The following DDX21 variants were observed in gnomAD, a reference collection of about 807,000 sequenced individuals.
DDX21 encodes DExD-box helicase 21.
A neutral mutation model predicts 90.0 loss-of-function variants in DDX21; 18 were observed. The observed-to-expected ratio is 0.20, with a 90% confidence interval of 0.14 to 0.30. The LOEUF (loss-of-function observed/expected upper bound fraction) is 0.30. Among genes scored for constraint, DDX21 ranks in the 10% least tolerant of loss-of-function variants. The pLI, the probability that DDX21 is intolerant of heterozygous loss-of-function variation, is 1.00. For synonymous variants in DDX21, 294 were observed against 318.0 expected (o/e 0.92, Z 0.80); for missense variants, 673 against 944.5 (o/e 0.71, Z 3.77).
intron 7 of DDX21, among the ~76,000 whole-genome samples, chr10:68,969,930 C>A (rs191366915): frequency 1.3e-5 from 2 of 152,112 alleles, no homozygotes; most frequent in African/African-American, 4.8e-5. Context: ...CCTGCATTTT[C>A]CTGGTTGTCA....
In DDX21 at chr10:68,956,193, A is replaced by G. The variant is rs1031621590; in HGVS notation, c.-33A>G. 3 of 1,610,996 alleles carry G rather than the reference A, an allele frequency of 1.9e-6. No individual in the cohort carries two copies. Among genetic ancestry groups the G allele is most frequent in the Non-Finnish European group, 2.5e-6 (3 of 1,178,218 alleles). ...ACCTCTTCCTCTCCACGCGGTTGAG[A>G]AGACCGGTCGGCCTGGGCAACCTGC... On this transcript the variant is annotated 5_prime_UTR_variant, in exon 1 of 15. Transcript: ENST00000354185.
intron 7 of DDX21, among the ~76,000 whole-genome samples, chr10:68,969,450 T>C (rs1381344747): frequency 6.6e-6 from 1 of 152,164 alleles, no homozygotes; most frequent in African/African-American, 2.4e-5. Flanking sequence ...CAGCTAATTT[T>C]TGTATTTTTA....
intron 8 of DDX21, among the ~76,000 whole-genome samples, chr10:68,971,104 A>T (rs1421111756): frequency 6.8e-6 from 1 of 147,878 alleles, no homozygotes; most frequent in African/African-American, 2.5e-5. Flanking sequence ...TTTTTTCTGG[A>T]TGGTGTTTTA....
At position 68,959,913 on chromosome 10, in the gene DDX21, T is replaced by C; in HGVS notation, c.195T>C (p.Ser65=). 2 of 1,608,932 alleles carry C rather than the reference T, an allele frequency of 1.2e-6. No individual in the cohort carries two copies. Among genetic ancestry groups the C allele is most frequent in the African/African-American group, 2.7e-5 (2 of 74,686 alleles). The change falls in exon 2 of 15, where the codon TCT becomes TCC. Residue 65 remains serine (S), a synonymous_variant. Coordinates refer to ENST00000354185, the MANE Select transcript of DDX21 (RefSeq NM_004728.4). Reference sequence around the variant, plus strand: ...AAGTTAAAAAGAAAGCAGAGCCTTCTGAAGTTGACATGAATTCTCCTAAAT... The same window carrying C: ...AAGTTAAAAAGAAAGCAGAGCCTTCCGAAGTTGACATGAATTCTCCTAAAT... ...AKQVKKKAEP[S]EVDMNSPKSK... is the part of the protein sequence containing the mutation.
intron 1 of DDX21, chr10:68,956,558 A>G (rs1276733234): frequency 4.5e-6 from 6 of 1,342,118 alleles, no homozygotes; most frequent in Admixed American, 3.1e-5. Flanking sequence ...ATAGGCATCC[A>G]CAGGTCGGAA....
In DDX21 at chr10:68,959,964, G is replaced by A; in HGVS notation, c.246G>A (p.Glu82=). The change falls in exon 2 of 15, where the codon GAG becomes GAA. Residue 82 remains glutamate (E), a synonymous_variant. Transcript: ENST00000354185. ...PKSKKAKKKE[E]PSQNDISPKT... The stretch of plus-strand genomic sequence containing the variant: ...CCAAAAAGGCAAAAAAGAAAGAGGA[G>A]CCATCTCAAAATGACATTTCTCCTA... The A allele has an allele frequency of 6.2e-7, 1 of 1,610,804 alleles. No individual in the cohort carries two copies. The highest frequency in any genetic ancestry group is 8.5e-7 in the Non-Finnish European group (1 of 1,179,532).
chr10:68,965,310 C>A, intron 4 of DDX21, 67 bp from the exon 5 acceptor site: 1 of 1,260,506 alleles, frequency 7.9e-7, no homozygotes, highest in Non-Finnish European at 1.1e-6. Context: ...GAATGCTGTT[C>A]TTTAAGGACT....
chr10:68,959,486 C>CT (rs1165620594), intron 1 of DDX21, among the ~76,000 whole-genome samples: 4 of 152,132 alleles, frequency 2.6e-5, no homozygotes, highest in African/African-American at 9.7e-5. Context: ...GAGCGAGACT[C>CT]TGTCTCAAAA....
At chr10:68,964,934 C>T (rs1381213073) in intron 4 of DDX21, among the ~76,000 whole-genome samples, 1 of 152,144 alleles carries the variant, frequency 6.6e-6, no homozygotes, top group Non-Finnish European at 1.5e-5. Flanking sequence ...AGCCATTGCG[C>T]CTGGCCAGCA....
At chr10:68,975,090 A>G (rs761639262) in intron 11 of DDX21, among the ~76,000 whole-genome samples, 1 of 152,196 alleles carries the variant, frequency 6.6e-6, no homozygotes, top group African/African-American at 2.4e-5. Context: ...AGAGGAAACC[A>G]CTATTAAAAT....
chr10:68,983,215 T>G lies in DDX21; in HGVS notation c.*403T>G, dbSNP rs769466895. 4 of 182,522 alleles carry G rather than the reference T, an allele frequency of 2.2e-5. No homozygotes were observed. Among genetic ancestry groups the G allele is most frequent in the Non-Finnish European group, 4.7e-5 (4 of 84,866 alleles). The allele number at this position is 182,522 out of a possible 1,614,324, so 11.3% of individuals were successfully genotyped here. On this transcript the variant is annotated 3_prime_UTR_variant, in exon 15 of 15. Coordinates refer to ENST00000354185, the MANE Select transcript of DDX21 (RefSeq NM_004728.4). ...AGTGTAACAGTCTCTGGAGGACCAC[T>G]TTGAGCCTTTGGAAGTTAAGGTTTC...
At chr10:68,957,041 C>CAAA (rs34149138) in intron 1 of DDX21, among the ~76,000 whole-genome samples, 3 of 138,208 alleles carry the variant, frequency 2.2e-5, no homozygotes, top group Admixed American at 7.2e-5. Context: ...AACTCCATCT[C>CAAA]AAAAAAAAAA....
chr10:68,975,747 T>C (rs1028347858), intron 11 of DDX21, among the ~76,000 whole-genome samples: 1 of 151,938 alleles, frequency 6.6e-6, no homozygotes, highest in Non-Finnish European at 1.5e-5. Context: ...ACTCCATCTC[T>C]ATAAAAAATA....
chr10:68,982,530 A>G lies in DDX21; in HGVS notation c.2083-13A>G. 10 of 1,585,792 alleles carry G rather than the reference A, an allele frequency of 6.3e-6. No individual in the cohort carries two copies. Among genetic ancestry groups the G allele is most frequent in the Non-Finnish European group, 8.6e-6 (10 of 1,161,406 alleles). On this transcript the variant is annotated splice_polypyrimidine_tract_variant and intron_variant, in intron 14 of 14. Transcript: ENST00000354185. The stretch of plus-strand genomic sequence containing the variant: ...TAATTAAAGCACACAAAAACAAAAC[A>G]TTCTCTCAACAGGAGAAATGGCATG...
At chr10:68,962,032 A>C in intron 2 of DDX21, 50 bp from the exon 3 acceptor site, 2 of 1,396,266 alleles carry the variant, frequency 1.4e-6, no homozygotes, top group Non-Finnish European at 1.0e-6. Flanking sequence ...GTTCTCTATT[A>C]ATTTGTGTAG....
chr10:68,974,587 T>TGTATTAC, intron 10 of DDX21, 83 bp from the exon 11 acceptor site: 2 of 1,059,530 alleles, frequency 1.9e-6, no homozygotes, highest in South Asian at 1.4e-5. Context: ...ATTTGGCCTA[T>TGTATTAC]ATTAAAAAAT....
intron 14 of DDX21, 119 bp downstream of exon 14, chr10:68,981,700 G>A (rs1312478833): frequency 2.7e-5 from 25 of 932,458 alleles, no homozygotes; most frequent in Middle Eastern, 3.4e-4. Flanking sequence ...AGAGATAATC[G>A]ATAATTAAAT....
rs1843235854 is a variant in DDX21, at chr10:68,984,186, G to A, written c.*1374G>A. 1 of 152,136 alleles carries A rather than the reference G, an allele frequency of 6.6e-6. No individual in the cohort carries two copies. 9.4% of individuals were successfully genotyped at this position (152,136 alleles called of 1,614,324 possible). The stretch of plus-strand genomic sequence containing the variant: ...GTACTGAGAATCCTGGAACTACTAT[G>A]CTAGGAAATTTAAAGCTGCATGGTC... On this transcript the variant is annotated 3_prime_UTR_variant, in exon 15 of 15. Transcript: ENST00000354185.
At chr10:68,977,750 G>A (rs1843124290) in intron 12 of DDX21, 62 bp downstream of exon 12, 1 of 1,463,214 alleles carries the variant, frequency 6.8e-7, no homozygotes, top group African/African-American at 1.4e-5. Flanking sequence ...GATATGAAAG[G>A]GTTTCATTTA....
Sources: gnomAD v4.1 joint callset for allele counts (sites outside exome capture counted in the v4.1 genomes callset) on GRCh38, gnomAD v4.1.1 for gene constraint, MANE v1.5 for transcripts, NCBI Gene and HGNC (gene_info 2026-07-23, HGNC 2026-07-21) for gene names.